The following ZNF704 variants were observed in gnomAD, a reference collection of about 807,000 sequenced individuals.
ZNF704 encodes the protein zinc finger protein 704.
Under a neutral mutation model 44.7 loss-of-function variants are expected in ZNF704, and 10 were observed. The observed-to-expected ratio is 0.22, with a 90% CI of 0.14 to 0.38. The LOEUF (loss-of-function observed/expected upper bound fraction) is 0.38. Ranked by LOEUF, ZNF704 falls within the 10% of genes least tolerant of loss-of-function variation. ZNF704 has a pLI of 1.00. For missense variants in ZNF704, 390 were observed against 545.5 expected, an observed-to-expected ratio of 0.71 and a Z score of 2.84; for synonymous variants, 211 against 207.6, an observed-to-expected ratio of 1.02 and a Z score of -0.14.
At chr8:80,814,147 G>A (rs780199533) in intron 2 of ZNF704, 1 of 152,172 alleles carries the variant, frequency 6.6e-6, no homozygotes, top group Non-Finnish European at 1.5e-5. Flanking sequence ...TTTTGCCCCA[G>A]AGTAAGAAGG....
At chr8:80,802,739 A>C (rs1469203541) in intron 2 of ZNF704, among the ~76,000 whole-genome samples, 1 of 152,212 alleles carries the variant, frequency 6.6e-6, no homozygotes, top group Admixed American at 6.5e-5. Flanking sequence ...TATCATACTG[A>C]ATGGGCAAAA....
intron 2 of ZNF704, among the ~76,000 whole-genome samples, chr8:80,696,244 T>C (rs1315925565): frequency 6.6e-6 from 1 of 152,238 alleles, no homozygotes; most frequent in African/African-American, 2.4e-5. Flanking sequence ...TGAATTTCAA[T>C]CTACAACTTA....
At chr8:80,882,391 T>C in the ZNF704 span, among the ~76,000 whole-genome samples, 1 of 152,234 alleles carries the variant, frequency 6.6e-6, no homozygotes, top group Non-Finnish European at 1.5e-5. Context: ...TAGTTTCCCA[T>C]GTGTTCAAGT....
intron 1 of ZNF704, among the ~76,000 whole-genome samples, chr8:80,836,973 T>C (rs1483163205): frequency 6.6e-6 from 1 of 152,078 alleles, no homozygotes; most frequent in Non-Finnish European, 1.5e-5. Flanking sequence ...TGGATACTGA[T>C]GTATCTCCAG....
chr8:80,848,638 A>G (rs1808807378), intron 1 of ZNF704, among the ~76,000 whole-genome samples: 2 of 152,160 alleles, frequency 1.3e-5, no homozygotes, highest in Admixed American at 6.6e-5. Flanking sequence ...TCAGCCCAGG[A>G]GTTCGAGACC....
chr8:80,857,663 T>C (rs1808985456), intron 1 of ZNF704, among the ~76,000 whole-genome samples: 4 of 152,312 alleles, frequency 2.6e-5, no homozygotes, highest in South Asian at 4.1e-4. Flanking sequence ...CCTATGTACA[T>C]GAAAGTTTGC....
At chr8:80,837,719 T>C (rs1318921751) in intron 1 of ZNF704, among the ~76,000 whole-genome samples, 1 of 152,170 alleles carries the variant, frequency 6.6e-6, no homozygotes, top group African/African-American at 2.4e-5. Context: ...GGTGACTATT[T>C]TATGCAGATG....
chr8:80,658,497 A>C (rs1177648851), intron 7 of ZNF704, among the ~76,000 whole-genome samples: 4 of 152,176 alleles, frequency 2.6e-5, no homozygotes, highest in Non-Finnish European at 5.9e-5. Flanking sequence ...GCCCTCTTCT[A>C]ACGTCTACTA....
intron 1 of ZNF704, among the ~76,000 whole-genome samples, chr8:80,852,056 C>T (rs1023125823): frequency 6.6e-6 from 1 of 152,180 alleles, no homozygotes. Context: ...GGTAATCCCA[C>T]TCACAGATCA....
intron 2 of ZNF704, 136 bp downstream of exon 2, chr8:80,821,238 G>C: frequency 1.1e-6 from 1 of 896,374 alleles, no homozygotes; most frequent in Non-Finnish European, 1.8e-6. Context: ...TTTCACACAA[G>C]CAATAGAAAA....
At chr8:80,856,490 G>GA (rs1253069501) in intron 1 of ZNF704, among the ~76,000 whole-genome samples, 1 of 152,210 alleles carries the variant, frequency 6.6e-6, no homozygotes, top group East Asian at 1.9e-4. Context: ...AGCTCTGTAA[G>GA]TTTTAGCTTT....
rs9693954 is a variant in ZNF704, at chr8:80,836,508, T to C, written c.-21-14893A>G. Among the ~76,000 whole-genome samples, 710 of 152,240 alleles carry C rather than the reference T, an allele frequency of 4.7e-3. 4 individuals carry two copies. Among genetic ancestry groups the C allele is most frequent in the African/African-American group, 0.016 (672 of 41,534 alleles). Reference sequence around the variant, plus strand: ...GAATTATCATTCTAGCCAGGTGTGGTAGCTCATGCCTGTAATCCCAGCACT... The same window carrying C: ...GAATTATCATTCTAGCCAGGTGTGGCAGCTCATGCCTGTAATCCCAGCACT... On this transcript the variant is annotated intron_variant, in intron 1 of 8. Coordinates refer to ENST00000327835, the MANE Select transcript of ZNF704 (RefSeq NM_001033723.3).
Position 80,844,226 on chromosome 8 carries a change from T to C in ZNF704, c.-21-22611A>G, listed in dbSNP as rs73264423. 3.8e-3 allele frequency among the ~76,000 whole-genome samples: 581 copies of C among 152,168 alleles called. 3 individuals carry two copies. The highest frequency in any genetic ancestry group is 0.013 in the African/African-American group (547 of 41,514). On this transcript the variant is annotated intron_variant, in intron 1 of 8. Coordinates refer to ENST00000327835, the MANE Select transcript of ZNF704 (RefSeq NM_001033723.3). ...GTCAGCTCAGACCACTACAACAGAATATCAGACTGGGTGGCTTATAAACAG... is the reference window on the plus strand; with the variant it reads ...GTCAGCTCAGACCACTACAACAGAACATCAGACTGGGTGGCTTATAAACAG...
At chr8:80,719,372 T>C (rs1185345283) in intron 2 of ZNF704, among the ~76,000 whole-genome samples, 2 of 152,178 alleles carry the variant, frequency 1.3e-5, no homozygotes, top group Non-Finnish European at 2.9e-5. Context: ...GACTACCTAG[T>C]GGGCTTCATG....
chr8:80,632,951 T>C lies in ZNF704; in HGVS notation c.*8415A>G, dbSNP rs894550098. 18 of 152,158 alleles carry C rather than the reference T, an allele frequency of 1.2e-4. No homozygotes were observed. Among genetic ancestry groups the C allele is most frequent in the African/African-American group, 4.1e-4 (17 of 41,410 alleles). The allele number at this position is 152,158 out of a possible 1,614,324, so 9.4% of individuals were successfully genotyped here. On this transcript the variant is annotated 3_prime_UTR_variant, in exon 9 of 9. Transcript: ENST00000327835. ...AGGAGTCTGGCCAAAAAGTTTTTTT[T>C]TGAGGCTCCTTCTAGCTCCACAACC...
chr8:80,872,496 T>C (rs1045489991), intron 1 of ZNF704, among the ~76,000 whole-genome samples: 1 of 151,944 alleles, frequency 6.6e-6, no homozygotes, highest in Non-Finnish European at 1.5e-5. Flanking sequence ...TGTTCATGAG[T>C]TTTTTTTCTT....
chr8:80,846,165 G>C (rs1808764297), intron 1 of ZNF704, among the ~76,000 whole-genome samples: 1 of 152,064 alleles, frequency 6.6e-6, no homozygotes, highest in African/African-American at 2.4e-5. Flanking sequence ...CTCCACCTAA[G>C]TAATGCAGGC....
chr8:80,694,797 C>T (rs1284266004), intron 2 of ZNF704, among the ~76,000 whole-genome samples: 1 of 152,180 alleles, frequency 6.6e-6, no homozygotes, highest in Non-Finnish European at 1.5e-5. Context: ...TCCAAGGTAC[C>T]AACAGATGGA....
rs1002263107 is a variant in ZNF704 at position 80,695,556 on chromosome 8, T to C, written c.222-2449A>G. On this transcript the variant is annotated intron_variant, in intron 2 of 8. Transcript: ENST00000327835. ...CAACCTTTTTCCGTCTTCTACATCT[T>C]GGTTTCAGGGACCTTTTTGCCCCTC... 1.1e-4 allele frequency among the ~76,000 whole-genome samples: 16 copies of C among 152,238 alleles called. No individual in the cohort carries two copies. In the East Asian group the frequency reaches 2.7e-3, roughly 26 times the overall value.
Sources: allele counts gnomAD v4.1 joint callset (sites outside exome capture counted in the v4.1 genomes callset), GRCh38; gene constraint gnomAD v4.1.1; transcripts MANE v1.5; gene names NCBI Gene and HGNC (gene_info 2026-07-23, HGNC 2026-07-21).